The following GREB1L variants were observed in gnomAD, a reference collection of about 807,000 sequenced individuals.
The protein encoded by GREB1L is GREB1-like protein.
Under a neutral mutation model 200.8 loss-of-function variants are expected in GREB1L, and 17 were observed. That is an observed-to-expected ratio of 0.08 (90% CI 0.06 to 0.13). GREB1L has a LOEUF of 0.13. Among genes scored for constraint, GREB1L ranks in the 10% least tolerant of loss-of-function variants. The probability of loss-of-function intolerance (pLI) is 1.00; values close to 1 mark genes in which losing one functional copy is unlikely to be tolerated. For missense variants in GREB1L, 1,657 were observed against 2,367.7 expected (o/e 0.70, Z 6.23); for synonymous variants, 789 against 893.0 (o/e 0.88, Z 2.08).
chr18:21,449,120 G>A (rs1472333714), intron 11 of GREB1L, among the ~76,000 whole-genome samples: 2 of 152,244 alleles, frequency 1.3e-5, no homozygotes, highest in Non-Finnish European at 2.9e-5. Flanking sequence ...TTATATACCA[G>A]TAGGTTGGCT....
At chr18:21,459,672 TA>T (rs1352346821) in intron 15 of GREB1L, among the ~76,000 whole-genome samples, 2 of 152,028 alleles carry the variant, frequency 1.3e-5, no homozygotes, top group Non-Finnish European at 2.9e-5. Flanking sequence ...AAAATTTTAA[TA>T]AAAAAATAAA....
At chr18:21,289,041 C>T (rs889600014) in intron 1 of GREB1L, among the ~76,000 whole-genome samples, 1 of 151,972 alleles carries the variant, frequency 6.6e-6, no homozygotes, top group African/African-American at 2.4e-5. Flanking sequence ...TGGCCAGCTA[C>T]CATGCTTTCT....
At chr18:21,516,876 AG>A in intron 30 of GREB1L, 122 bp downstream of exon 30, 13 of 478,770 alleles carry the variant, frequency 2.7e-5, no homozygotes, top group East Asian at 4.3e-5. Flanking sequence ...AACACAAGGG[AG>A]TTTTTTTTTT....
chr18:21,390,686 A>T (rs1051629596), intron 4 of GREB1L, among the ~76,000 whole-genome samples: 1 of 151,988 alleles, frequency 6.6e-6, no homozygotes. Context: ...ACAGGCGCCC[A>T]CCACCATGCC....
At chr18:21,285,318 G>A (rs1215899355) in intron 1 of GREB1L, among the ~76,000 whole-genome samples, 1 of 152,088 alleles carries the variant, frequency 6.6e-6, no homozygotes, top group Non-Finnish European at 1.5e-5. Flanking sequence ...CCTAATCCAA[G>A]GTCATGGAGA....
chr18:21,322,713 C>T (rs544738691), intron 1 of GREB1L, among the ~76,000 whole-genome samples: 183 of 152,138 alleles, frequency 1.2e-3, no homozygotes, highest in Middle Eastern at 3.4e-3. Flanking sequence ...TTATAATAGA[C>T]TCAAATACAT....
At chr18:21,325,812 T>TC (rs2039013999) in intron 1 of GREB1L, among the ~76,000 whole-genome samples, 2 of 44,760 alleles carry the variant, frequency 4.5e-5, no homozygotes, top group Non-Finnish European at 7.2e-5. Context: ...AGACCTTGTC[T>TC]CAAAAAAAAA....
intron 1 of GREB1L, among the ~76,000 whole-genome samples, chr18:21,246,215 T>C (rs1258393281): frequency 6.6e-6 from 1 of 152,212 alleles, no homozygotes; most frequent in Non-Finnish European, 1.5e-5. Flanking sequence ...ATTTATTTTC[T>C]CAGAACTTTA....
At position 21,424,124 on chromosome 18, in the gene GREB1L, G is replaced by A. The variant is rs567651334; in HGVS notation, c.833-15397G>A. Among the ~76,000 whole-genome samples, 336 of 152,264 alleles carry A rather than the reference G, an allele frequency of 2.2e-3. 1 individual carries two copies. The highest frequency in any genetic ancestry group is 4.2e-3 in the Non-Finnish European group (285 of 68,030). ...CTCCTGAAATCAAAGGTAGACCAAA[G>A]GGATGTGATGTAGGGCAACAAAGCA... On this transcript the variant is annotated intron_variant, in intron 7 of 32. Coordinates refer to ENST00000424526, the MANE Select transcript of GREB1L (RefSeq NM_001142966.3).
Position 21,266,937 on chromosome 18 carries a change from T to C in GREB1L, c.-120+24544T>C, listed in dbSNP as rs945144426. On this transcript the variant is annotated intron_variant, in intron 1 of 32. Coordinates refer to ENST00000424526, the MANE Select transcript of GREB1L (RefSeq NM_001142966.3). ...GACATTTAGCTGTTTTTTTGTTTGTTTTTTCGTTTGTTTGGAGACAGAGTC... is the reference window on the plus strand; with the variant it reads ...GACATTTAGCTGTTTTTTTGTTTGTCTTTTCGTTTGTTTGGAGACAGAGTC... Among the ~76,000 whole-genome samples the C allele has an allele frequency of 2.6e-5, 4 of 152,150 alleles. No homozygotes were observed. The East Asian group carries it at 7.7e-4, about 29-fold the overall frequency.
At chr18:21,471,169 C>T (rs1162378424) in intron 15 of GREB1L, among the ~76,000 whole-genome samples, 1 of 152,190 alleles carries the variant, frequency 6.6e-6, no homozygotes, top group Non-Finnish European at 1.5e-5. Context: ...CAAAAAACCA[C>T]AATCGGTCTT....
intron 1 of GREB1L, among the ~76,000 whole-genome samples, chr18:21,247,973 A>G (rs2037635227): frequency 6.6e-6 from 1 of 152,162 alleles, no homozygotes; most frequent in African/African-American, 2.4e-5. Context: ...GGAGTAAGAA[A>G]CCTCAGCGCC....
chr18:21,453,132 C>T (rs564335678), intron 14 of GREB1L, among the ~76,000 whole-genome samples: 11 of 152,178 alleles, frequency 7.2e-5, no homozygotes, highest in African/African-American at 2.4e-4. Context: ...TTACAGATTC[C>T]GGAGTACATT....
Position 21,319,126 on chromosome 18 carries a change from C to T in GREB1L, c.-119-46901C>T, listed in dbSNP as rs141926121. On this transcript the variant is annotated intron_variant, in intron 1 of 32. Coordinates refer to ENST00000424526, the MANE Select transcript of GREB1L (RefSeq NM_001142966.3). ...AACAAGCAGATATCCATTCTGGCAC[C>T]AGTGACCATTTGTCAGTTTTTAACT... is the stretch of plus-strand genomic sequence containing the variant. Among the ~76,000 whole-genome samples, 31 of 152,300 alleles carry T rather than the reference C, an allele frequency of 2.0e-4. 2 individuals are homozygous for T. The East Asian group carries it at 5.8e-3, about 28-fold the overall frequency.
chr18:21,304,768 TA>T (rs2038673605), intron 1 of GREB1L, among the ~76,000 whole-genome samples: 1 of 152,098 alleles, frequency 6.6e-6, no homozygotes, highest in African/African-American at 2.4e-5. Context: ...GTATTGTCAA[TA>T]ACTGAGAGGA....
chr18:21,456,623 A>G (rs1268635041), intron 15 of GREB1L, among the ~76,000 whole-genome samples: 1 of 152,092 alleles, frequency 6.6e-6, no homozygotes, highest in Non-Finnish European at 1.5e-5. Context: ...TGGAGTCCCA[A>G]GTGTCTGGTT....
At chr18:21,375,889 T>TCACCACCAC (rs955163293) in intron 2 of GREB1L, among the ~76,000 whole-genome samples, 1 of 151,764 alleles carries the variant, frequency 6.6e-6, no homozygotes. Flanking sequence ...ACCACCACCA[T>TCACCACCAC]CACCACCACC....
chr18:21,278,000 G>C (rs943498747), intron 1 of GREB1L, among the ~76,000 whole-genome samples: 4 of 152,154 alleles, frequency 2.6e-5, no homozygotes, highest in African/African-American at 9.7e-5. Context: ...AAAAACTCAT[G>C]AGGCCTGTCG....
At position 21,495,724 on chromosome 18, in the gene GREB1L, G is replaced by A. The variant is rs1219524546; in HGVS notation, c.3085G>A (p.Asp1029Asn). 30 of 1,548,884 alleles carry A rather than the reference G, an allele frequency of 1.9e-5. No individual in the cohort carries two copies. The East Asian group carries it at 7.3e-4, about 38-fold the overall frequency. Residue 1029 changes from aspartate to asparagine, a missense_variant, in exon 20 of 33, where the codon GAC (aspartate) becomes AAC (asparagine). Physicochemically the swap from Asp to Asn is conservative, Grantham distance 23 (BLOSUM62 1). Coordinates refer to ENST00000424526, the MANE Select transcript of GREB1L (RefSeq NM_001142966.3). ...GATCCCTCGGACATACCAAGATTTAGACGGTCTACCTTGTATTGTGATATT... is the reference window on the plus strand; with the variant it reads ...GATCCCTCGGACATACCAAGATTTAAACGGTCTACCTTGTATTGTGATATT... ...EWIPRTYQDL[D>N]GLPCIVILTG...
Sources: gnomAD v4.1 joint callset for allele counts (sites outside exome capture counted in the v4.1 genomes callset) on GRCh38, gnomAD v4.1.1 for gene constraint, MANE v1.5 for transcripts, NCBI Gene and HGNC (gene_info 2026-07-23, HGNC 2026-07-21) for gene names.